GPLD1: variants seen among roughly 807,000 people sequenced by gnomAD.
The protein encoded by GPLD1 is phosphatidylinositol-glycan-specific phospholipase D.
Under a neutral mutation model 112.6 loss-of-function variants are expected in GPLD1, and 84 were observed. The ratio of observed to expected loss-of-function variants is 0.75; its 90% CI spans 0.63 to 0.89. The LOEUF (loss-of-function observed/expected upper bound fraction) is 0.89, where lower values mean the gene tolerates loss of function less well. GPLD1 is among the 40% of genes least tolerant of loss of function. The pLI, the probability that GPLD1 is intolerant of heterozygous loss-of-function variation, is 0.00. For synonymous variants in GPLD1, 386 were observed against 403.8 expected, an observed-to-expected ratio of 0.96 and a Z score of 0.53; for missense variants, 1,044 against 1,051.5, an observed-to-expected ratio of 0.99 and a Z score of 0.10.
Position 24,433,194 on chromosome 6 carries a change from T to A in GPLD1, c.2429A>T (p.Lys810Met). The A allele has an allele frequency of 6.2e-7, 1 of 1,610,994 alleles. No homozygotes were observed. Among genetic ancestry groups the A allele is most frequent in the Non-Finnish European group, 8.5e-7 (1 of 1,177,104 alleles). The part of the protein sequence containing the change: ...FGSSLITVRS[K>M]AKNQVVIAAG... ...TTCAGTCCTTGGGCTCACCTTTGCC[T>A]TGGACCTCACGGTGATGAGGGAGCT... The change falls in exon 24 of 25, where the codon AAG becomes ATG. Residue 810 changes from lysine to methionine, a missense_variant. Physicochemically the swap from Lys to Met is moderately conservative, Grantham distance 95. Coordinates refer to ENST00000230036, the MANE Select transcript of GPLD1 (RefSeq NM_001503.4).
At chr6:24,446,431 G>A (rs113206176) in intron 18 of GPLD1, among the ~76,000 whole-genome samples, 5,059 of 151,798 alleles carry the variant, frequency 0.033, 80 homozygotes, top group Middle Eastern at 0.082. Flanking sequence ...GGACGAGTTC[G>A]AGCCTGCAGT....
rs200486072 is a variant in GPLD1, at chr6:24,428,988, C to G, written c.*44G>C. The G allele has an allele frequency of 7.5e-7, 1 of 1,327,644 alleles. No homozygotes were observed. The highest frequency in any genetic ancestry group is 1.4e-5 in the African/African-American group (1 of 69,280). 82.2% of individuals were successfully genotyped at this position (1,327,644 alleles called of 1,614,324 possible). On this transcript the variant is annotated 3_prime_UTR_variant, in exon 25 of 25. Transcript: ENST00000230036. Reference sequence around the variant, plus strand: ...CAAAATGCTCACCATGGATGTGATTCAGCATGAGAGAGGTGGGCAGAGTGG... The same window carrying G: ...CAAAATGCTCACCATGGATGTGATTGAGCATGAGAGAGGTGGGCAGAGTGG...
chr6:24,481,815 T>C (rs1224760851), intron 2 of GPLD1, among the ~76,000 whole-genome samples: 1 of 152,172 alleles, frequency 6.6e-6, no homozygotes. Flanking sequence ...CATGAACCAA[T>C]AAAGTCCACT....
rs1762219751 is a variant in GPLD1, at chr6:24,425,906, A to G, written c.*3126T>C. 1 of 152,198 alleles carries G rather than the reference A, an allele frequency of 6.6e-6. No individual in the cohort carries two copies. The allele number at this position is 152,198 out of a possible 1,614,324, so 9.4% of individuals were successfully genotyped here. ...TACAGCTTTATTTTTTGGAATTGCA[A>G]TATTAAAGTTGCACGTTGGATTTAA... On this transcript the variant is annotated 3_prime_UTR_variant, in exon 25 of 25. Coordinates refer to ENST00000230036, the MANE Select transcript of GPLD1 (RefSeq NM_001503.4).
At chr6:24,491,825 G>A (rs1166071379), upstream of GPLD1, among the ~76,000 whole-genome samples, 2 of 152,112 alleles carry the variant, frequency 1.3e-5, no homozygotes, top group African/African-American at 2.4e-5. Flanking sequence ...AATAAAATAA[G>A]AGGAAATTAT....
chr6:24,442,244 T>C (rs1350967826), intron 20 of GPLD1, among the ~76,000 whole-genome samples: 7 of 150,900 alleles, frequency 4.6e-5, no homozygotes, highest in African/African-American at 1.7e-4. Context: ...CACCTCAGCC[T>C]CCTCAGTAGA....
chr6:24,474,857 T>C (rs973772055), intron 5 of GPLD1, among the ~76,000 whole-genome samples: 79 of 151,774 alleles, frequency 5.2e-4, no homozygotes, highest in African/African-American at 1.7e-3. Context: ...GGAGAATCAC[T>C]TGAACCAGGG....
chr6:24,469,230 G>A (rs1215670935), intron 7 of GPLD1, among the ~76,000 whole-genome samples: 1 of 149,362 alleles, frequency 6.7e-6, no homozygotes, highest in African/African-American at 2.5e-5. Context: ...CGATTCCTCA[G>A]GGATCTAGAA....
chr6:24,454,240 G>A, intron 13 of GPLD1, 39 bp from the exon 14 acceptor site: 1 of 1,465,292 alleles, frequency 6.8e-7, no homozygotes, highest in Admixed American at 2.0e-5. Flanking sequence ...TATGCACTGA[G>A]CACTAGGGTT....
At chr6:24,431,872 A>C (rs1264369112) in intron 24 of GPLD1, among the ~76,000 whole-genome samples, 1 of 152,038 alleles carries the variant, frequency 6.6e-6, no homozygotes, top group Non-Finnish European at 1.5e-5. Context: ...CGAAATTTAA[A>C]CTGTGTACAC....
intron 2 of GPLD1, among the ~76,000 whole-genome samples, chr6:24,483,383 A>T (rs1368288592): frequency 6.6e-6 from 1 of 151,752 alleles, no homozygotes; most frequent in South Asian, 2.1e-4. Flanking sequence ...GAAATAGAAT[A>T]AAGAGTACAG....
intron 10 of GPLD1, among the ~76,000 whole-genome samples, chr6:24,463,660 G>T (rs921548603): frequency 1.3e-5 from 2 of 152,160 alleles, no homozygotes; most frequent in Non-Finnish European, 2.9e-5. Context: ...TCTTGGCAAT[G>T]TAACTACCAC....
At chr6:24,453,906 T>C (rs1333862487) in intron 14 of GPLD1, 109 bp downstream of exon 14, 7 of 720,036 alleles carry the variant, frequency 9.7e-6, no homozygotes, top group Non-Finnish European at 1.4e-5. Flanking sequence ...CACCAGCTGT[T>C]TGTTACTGTA....
At position 24,433,193 on chromosome 6, in the gene GPLD1, C is replaced by G; in HGVS notation, c.2430G>C (p.Lys810Asn). Residue 810 changes from lysine (K) to asparagine (N), a missense_variant, in exon 24 of 25, where the codon AAG (lysine) becomes AAC (asparagine). Lys to Asn is a moderately conservative substitution (Grantham distance 94, BLOSUM62 0). Transcript: ENST00000230036. ...FGSSLITVRS[K>N]AKNQVVIAAG... ...GTTCAGTCCTTGGGCTCACCTTTGC[C>G]TTGGACCTCACGGTGATGAGGGAGC... 6.8e-6 allele frequency: 11 copies of G among 1,610,736 alleles called. No individual in the cohort carries two copies. Among genetic ancestry groups the G allele is most frequent in the Non-Finnish European group, 9.3e-6 (11 of 1,176,884 alleles).
intron 22 of GPLD1, among the ~76,000 whole-genome samples, chr6:24,434,040 A>C (rs1446883678): frequency 6.6e-6 from 1 of 152,142 alleles, no homozygotes; most frequent in African/African-American, 2.4e-5. Flanking sequence ...GGTAAATATC[A>C]TATTATATAA....
chr6:24,440,581 C>A (rs201788439), intron 20 of GPLD1, among the ~76,000 whole-genome samples: 106 of 118,482 alleles, frequency 8.9e-4, no homozygotes, highest in South Asian at 1.2e-3. Flanking sequence ...AAAAAATACT[C>A]AAAAAAAAAA....
rs114756469 is a variant in GPLD1, at chr6:24,429,023, G to C, written c.*9C>G. ...GAGGTGGGCAGAGTGGGGAAATGCAGTGAAATCTTCAATCTGAGCCAAGGC... is the reference window on the plus strand; with the variant it reads ...GAGGTGGGCAGAGTGGGGAAATGCACTGAAATCTTCAATCTGAGCCAAGGC... On this transcript the variant is annotated 3_prime_UTR_variant, in exon 25 of 25. Transcript: ENST00000230036. 11 of 1,593,118 alleles carry C rather than the reference G, an allele frequency of 6.9e-6. No individual in the cohort carries two copies. In the Admixed American group the frequency reaches 1.3e-4, roughly 19 times the overall value.
At chr6:24,464,285 A>T (rs1763526753) in intron 10 of GPLD1, among the ~76,000 whole-genome samples, 1 of 152,186 alleles carries the variant, frequency 6.6e-6, no homozygotes, top group South Asian at 2.1e-4. Context: ...TAGGTGAGGA[A>T]ATAAGATTTT....
At chr6:24,440,564 A>G (rs1362628373) in intron 20 of GPLD1, among the ~76,000 whole-genome samples, 1 of 144,922 alleles carries the variant, frequency 6.9e-6, no homozygotes, top group Non-Finnish European at 1.5e-5. Flanking sequence ...ATCATTATCA[A>G]AAGTGTAAAA....
Sources: allele counts gnomAD v4.1 joint callset (sites outside exome capture counted in the v4.1 genomes callset), GRCh38; gene constraint gnomAD v4.1.1; transcripts MANE v1.5; gene names NCBI Gene and HGNC (gene_info 2026-07-23, HGNC 2026-07-21).